HS1BP3: variants seen among roughly 807,000 people sequenced by gnomAD.
HS1BP3 encodes HCLS1-binding protein 3.
A neutral mutation model predicts 33.5 loss-of-function variants in HS1BP3; 32 were observed. That is an observed-to-expected ratio of 0.95 (90% confidence interval 0.72 to 1.28). HS1BP3 has a LOEUF of 1.28. HS1BP3 is among the 50% of genes most tolerant of loss of function. The pLI is 0.00. For synonymous variants in HS1BP3, 187 were observed against 209.2 expected (o/e 0.89, Z 0.92); for missense variants, 486 against 502.3 (o/e 0.97, Z 0.31).
chr2:20,623,844 C>A (rs747081932), intron 6 of HS1BP3, 52 bp downstream of exon 6: 1 of 1,555,972 alleles, frequency 6.4e-7, no homozygotes, highest in East Asian at 2.3e-5. Flanking sequence ...GCCCTTGGCT[C>A]TGTCCAGAAC....
chr2:20,574,722 C>T (rs1693358909), intron 5 of HS1BP3, among the ~76,000 whole-genome samples: 1 of 152,352 alleles, frequency 6.6e-6, no homozygotes, highest in East Asian at 1.9e-4. Flanking sequence ...GCAGGCAGTG[C>T]TGGGCAAGCC....
At chr2:20,565,798 T>G (rs1693111738) in intron 5 of HS1BP3, among the ~76,000 whole-genome samples, 2 of 152,126 alleles carry the variant, frequency 1.3e-5, no homozygotes, top group African/African-American at 4.8e-5. Context: ...TCTCAGGATA[T>G]AGCGGGACAG....
chr2:20,565,209 C>T (rs1238582542), intron 5 of HS1BP3, among the ~76,000 whole-genome samples: 4 of 152,166 alleles, frequency 2.6e-5, no homozygotes, highest in Non-Finnish European at 5.9e-5. Flanking sequence ...AGCTCAGTGC[C>T]CGGCTGTGTA....
intron 1 of HS1BP3, among the ~76,000 whole-genome samples, chr2:20,648,278 A>C (rs1177065305): frequency 6.6e-6 from 1 of 152,096 alleles, no homozygotes; most frequent in Non-Finnish European, 1.5e-5. Flanking sequence ...AGAACTCCTC[A>C]ACAGAGGGCC....
At chr2:20,633,230 C>A (rs1454006799) in intron 4 of HS1BP3, among the ~76,000 whole-genome samples, 1 of 152,222 alleles carries the variant, frequency 6.6e-6, no homozygotes. Context: ...AGCTGCCCCA[C>A]TCACTGTCAA....
At chr2:20,633,506 G>GT (rs959399387) in intron 4 of HS1BP3, among the ~76,000 whole-genome samples, 3 of 152,128 alleles carry the variant, frequency 2.0e-5, no homozygotes, top group Non-Finnish European at 2.9e-5. Flanking sequence ...GCAGTAATCT[G>GT]TTTTTTTGTT....
In HS1BP3 at chr2:20,623,992, A is replaced by T; in HGVS notation, c.824T>A (p.Ile275Asn). 1 of 1,611,786 alleles carries T rather than the reference A, an allele frequency of 6.2e-7. No homozygotes were observed. Among genetic ancestry groups the T allele is most frequent in the South Asian group, 1.1e-5 (1 of 90,964 alleles). The change falls in exon 6 of 7, where the codon ATC becomes AAC. Residue 275 changes from isoleucine (I) to asparagine (N), a missense_variant. By Grantham distance (149) the Ile-to-Asn change is moderately radical (BLOSUM62 -3). Coordinates refer to ENST00000304031, the MANE Select transcript of HS1BP3 (RefSeq NM_022460.4). The stretch of plus-strand genomic sequence containing the variant: ...CAGCAGGAGGGAGTCACCCAGGGGG[A>T]TGGCCCCGCCGAGGTCAGGATCATC... The part of the protein sequence containing the change: ...LFDDPDLGGA[I>N]PLGDSLLLPA...
intron 2 of HS1BP3, among the ~76,000 whole-genome samples, chr2:20,600,015 G>C (rs1198913703): frequency 6.6e-6 from 1 of 152,140 alleles, no homozygotes; most frequent in East Asian, 1.9e-4. Context: ...GTGGTCCCAG[G>C]GGGACCCCTG....
At chr2:20,631,624 C>T (rs972398079) in intron 4 of HS1BP3, among the ~76,000 whole-genome samples, 2 of 150,968 alleles carry the variant, frequency 1.3e-5, no homozygotes, top group Non-Finnish European at 2.9e-5. Context: ...TTCCAAGGAC[C>T]TGTTTCTCAA....
intron 4 of HS1BP3, among the ~76,000 whole-genome samples, chr2:20,633,208 C>T (rs1422447920): frequency 6.6e-6 from 1 of 152,276 alleles, no homozygotes; most frequent in East Asian, 1.9e-4. Flanking sequence ...GCCACACATC[C>T]TGGGGGTTTC....
In HS1BP3 at chr2:20,620,562, G is replaced by A. The variant is rs189669947; in HGVS notation, c.921-1317C>T. On this transcript the variant is annotated intron_variant, in intron 6 of 6. Coordinates refer to ENST00000304031, the MANE Select transcript of HS1BP3 (RefSeq NM_022460.4). ...AACAGTGTCACTGGCACTGCTGCAC[G>A]GAACTGTACACAGAAGCACAGCACT... Among the ~76,000 whole-genome samples the A allele has an allele frequency of 3.9e-5, 6 of 152,290 alleles. No individual in the cohort carries two copies. In the East Asian group the frequency reaches 7.7e-4, roughly 20 times the overall value.
At chr2:20,626,687 C>T (rs1268443787) in intron 4 of HS1BP3, among the ~76,000 whole-genome samples, 2 of 152,158 alleles carry the variant, frequency 1.3e-5, no homozygotes, top group Non-Finnish European at 2.9e-5. Context: ...TGTGCTTTCT[C>T]CACCCAGCTC....
chr2:20,605,532 T>C (rs1467248609), intron 2 of HS1BP3, among the ~76,000 whole-genome samples: 1 of 152,182 alleles, frequency 6.6e-6, no homozygotes, highest in Non-Finnish European at 1.5e-5. Flanking sequence ...ACAACTCTTG[T>C]TGCTATCGAC....
At chr2:20,557,331 C>T (rs902104888), downstream of HS1BP3, among the ~76,000 whole-genome samples, 7 of 152,146 alleles carry the variant, frequency 4.6e-5, no homozygotes, top group Middle Eastern at 3.2e-3. Flanking sequence ...TTTCCAACAG[C>T]GGTTATTTTC....
chr2:20,650,947 A>G, intron 1 of HS1BP3, 85 bp downstream of exon 1: 1 of 1,133,320 alleles, frequency 8.8e-7, no homozygotes. Flanking sequence ...TCCCTGGCCT[A>G]GGAGGCGGCG....
In HS1BP3 at chr2:20,577,814, G is replaced by A. The variant is rs1305555039; in HGVS notation, c.303-17299C>T. Among the ~76,000 whole-genome samples, 9 of 152,326 alleles carry A rather than the reference G, an allele frequency of 5.9e-5. No homozygotes were observed. The Middle Eastern group carries it at 0.014, about 230-fold the overall frequency. On this transcript the variant is annotated intron_variant, in intron 5 of 5. Coordinates refer to the HS1BP3 transcript ENST00000446825. The stretch of plus-strand genomic sequence containing the variant: ...GGGTATTGTCTAAGCTACACTCCCC[G>A]GCACTGGGGCTGGATGGGGATTGGG...
chr2:20,588,428 C>T (rs1000993860), downstream of HS1BP3, among the ~76,000 whole-genome samples: 2 of 152,146 alleles, frequency 1.3e-5, no homozygotes, highest in East Asian at 1.9e-4. Context: ...GCGATTCTCC[C>T]GCCTCAGCCT....
At chr2:20,593,096 C>T (rs1375971491) in intron 3 of HS1BP3, among the ~76,000 whole-genome samples, 1 of 150,958 alleles carries the variant, frequency 6.6e-6, no homozygotes, top group Non-Finnish European at 1.5e-5. Flanking sequence ...CCCCCACTGT[C>T]CCCCCAGCAC....
At chr2:20,613,239 G>C (rs192236210), downstream of HS1BP3, among the ~76,000 whole-genome samples, 2 of 152,240 alleles carry the variant, frequency 1.3e-5, no homozygotes, top group Non-Finnish European at 2.9e-5. Context: ...CTGTGGAGAC[G>C]TCAAGGGCGA....
Sources: gnomAD v4.1 joint callset for allele counts (sites outside exome capture counted in the v4.1 genomes callset) on GRCh38, gnomAD v4.1.1 for gene constraint, MANE v1.5 for transcripts, NCBI Gene and HGNC (gene_info 2026-07-23, HGNC 2026-07-21) for gene names.